The following GTPBP10 variants were observed in gnomAD, a reference collection of about 807,000 sequenced individuals.
The protein encoded by GTPBP10 is GTP-binding protein 10.
A neutral mutation model predicts 44.8 loss-of-function variants in GTPBP10; 38 were observed. The ratio of observed to expected loss-of-function variants is 0.85; its 90% CI spans 0.65 to 1.11. GTPBP10 has a LOEUF of 1.11. Ranked by LOEUF, GTPBP10 falls within the 50% of genes most tolerant of loss-of-function variation. The pLI, the probability that GTPBP10 is intolerant of heterozygous loss-of-function variation, is 0.00. For missense variants in GTPBP10, 462 were observed against 453.7 expected, an observed-to-expected ratio of 1.02 and a Z score of -0.17; for synonymous variants, 152 against 150.6, an observed-to-expected ratio of 1.01 and a Z score of -0.07.
intron 4 of GTPBP10, among the ~76,000 whole-genome samples, chr7:90,371,629 G>T (rs560713502): frequency 1.3e-5 from 2 of 152,118 alleles, no homozygotes; most frequent in Non-Finnish European, 2.9e-5. Context: ...GACACACCGG[G>T]TATTTGTAAC....
intron 4 of GTPBP10, among the ~76,000 whole-genome samples, chr7:90,364,564 G>C (rs1309246821): frequency 6.6e-6 from 1 of 152,322 alleles, no homozygotes; most frequent in Admixed American, 6.5e-5. Context: ...CTCCCAGTTA[G>C]GCTACTCGGG....
intron 1 of GTPBP10, chr7:90,347,544 G>A (rs1051766286): frequency 1.5e-5 from 9 of 597,402 alleles, no homozygotes; most frequent in African/African-American, 2.0e-5. Context: ...TATCCTAAAT[G>A]ACTAGAGATG....
At chr7:90,368,539 A>G (rs1796182987) in intron 4 of GTPBP10, among the ~76,000 whole-genome samples, 1 of 151,926 alleles carries the variant, frequency 6.6e-6, no homozygotes, top group African/African-American at 2.4e-5. Context: ...CATTAATTTA[A>G]TCTTCAATCA....
intron 4 of GTPBP10, among the ~76,000 whole-genome samples, chr7:90,355,916 A>C (rs1190545144): frequency 3.3e-5 from 5 of 152,320 alleles, no homozygotes; most frequent in Non-Finnish European, 7.4e-5. Flanking sequence ...GAATACATAA[A>C]GGAAGAGAAA....
intron 4 of GTPBP10, among the ~76,000 whole-genome samples, chr7:90,369,041 A>T (rs574852539): frequency 6.6e-6 from 1 of 152,346 alleles, no homozygotes; most frequent in South Asian, 2.1e-4. Context: ...TCCTTCTAAC[A>T]GTCGGGCTTC....
rs757968029 is a variant in GTPBP10 at position 90,383,055 on chromosome 7, A to G, written c.877A>G (p.Met293Val). Residue 293 changes from methionine (M) to valine (V), a missense_variant, in exon 9 of 10, where the codon ATG becomes GTG. Coordinates refer to ENST00000222511, the MANE Select transcript of GTPBP10 (RefSeq NM_033107.4). Reference sequence around the variant, plus strand: ...TGCCCAAGATAAGTTCCATGAATTGATGAGCCAGCTCCAGAATCCTAAAGG... The same window carrying G: ...TGCCCAAGATAAGTTCCATGAATTGGTGAGCCAGCTCCAGAATCCTAAAGG... ...PDAQDKFHELMSQLQNPKDFL... is the reference protein window; with the variant it reads ...PDAQDKFHELVSQLQNPKDFL... 1.6e-5 allele frequency: 25 copies of G among 1,584,804 alleles called. No individual in the cohort carries two copies. In the South Asian group the frequency reaches 2.4e-4, roughly 15 times the overall value.
rs995574352 is a variant in GTPBP10, at chr7:90,388,805, C to G, written c.*3651C>G. On this transcript the variant is annotated 3_prime_UTR_variant, in exon 10 of 10. Transcript: ENST00000222511. ...AATGAAAGCTACAGACTTGTCTTGC[C>G]GAAAAATGTACATAAACACATAAAC... 1 of 151,886 alleles carries G rather than the reference C, an allele frequency of 6.6e-6. No homozygotes were observed. Among genetic ancestry groups the G allele is most frequent in the Admixed American group, 6.6e-5 (1 of 15,242 alleles). 9.4% of individuals were successfully genotyped at this position (151,886 alleles called of 1,614,324 possible).
intron 2 of GTPBP10, among the ~76,000 whole-genome samples, chr7:90,354,165 C>T (rs182020322): frequency 3.3e-5 from 5 of 152,152 alleles, no homozygotes; most frequent in Non-Finnish European, 7.4e-5. Flanking sequence ...TAGCAATAAT[C>T]TCTTCATTTC....
At position 90,378,188 on chromosome 7, in the gene GTPBP10, G is replaced by A. The variant is rs367785112; in HGVS notation, c.754G>A (p.Glu252Lys). Residue 252 changes from glutamate (E) to lysine (K), a missense_variant, in exon 8 of 10, where the codon GAA becomes AAA. Transcript: ENST00000222511. ...SSHTQYRTAF[E>K]TIILLTKELE... Reference sequence around the variant, plus strand: ...TCACACTCAATACAGGACAGCTTTTGAAACCATAATACTGCTTACAAAAGT... The same window carrying A: ...TCACACTCAATACAGGACAGCTTTTAAAACCATAATACTGCTTACAAAAGT... 296 of 1,612,928 alleles carry A rather than the reference G, an allele frequency of 1.8e-4. 1 individual carries two copies. In the South Asian group the frequency reaches 2.3e-3, roughly 12 times the overall value.
intron 4 of GTPBP10, among the ~76,000 whole-genome samples, chr7:90,364,465 A>C (rs962241131): frequency 3.9e-5 from 6 of 152,176 alleles, no homozygotes; most frequent in Non-Finnish European, 1.5e-5. Context: ...GCTGAACAGC[A>C]AATGTTGCTG....
At chr7:90,348,837 A>G (rs1452889906) in intron 1 of GTPBP10, among the ~76,000 whole-genome samples, 3 of 152,190 alleles carry the variant, frequency 2.0e-5, no homozygotes, top group Non-Finnish European at 4.4e-5. Flanking sequence ...AAAGAAGTCA[A>G]AAGCAGTCCT....
At chr7:90,375,048 A>G (rs1039877088) in intron 6 of GTPBP10, among the ~76,000 whole-genome samples, 2 of 152,204 alleles carry the variant, frequency 1.3e-5, no homozygotes, top group Non-Finnish European at 2.9e-5. Flanking sequence ...ATTCAGCTCT[A>G]AAAAGAACTG....
intron 4 of GTPBP10, among the ~76,000 whole-genome samples, chr7:90,362,041 C>G (rs1796033264): frequency 6.6e-6 from 1 of 152,024 alleles, no homozygotes; most frequent in Non-Finnish European, 1.5e-5. Flanking sequence ...ATTAGTCTTG[C>G]TAGCGGTCTA....
intron 8 of GTPBP10, among the ~76,000 whole-genome samples, chr7:90,380,074 CTTTTTTT>C (rs58735928): frequency 1.9e-5 from 2 of 104,348 alleles, no homozygotes; most frequent in African/African-American, 3.8e-5. Flanking sequence ...AGTCCCTTCT[CTTTTTTT>C]TTTTTTTTTT....
At chr7:90,353,083 A>G in intron 2 of GTPBP10, 74 bp downstream of exon 2, 2 of 959,596 alleles carry the variant, frequency 2.1e-6, no homozygotes, top group Non-Finnish European at 3.0e-6. Flanking sequence ...GTTACAAAAT[A>G]AAAACTTAAT....
intron 8 of GTPBP10, among the ~76,000 whole-genome samples, chr7:90,381,979 A>G (rs186148379): frequency 6.0e-4 from 92 of 152,334 alleles, no homozygotes; most frequent in African/African-American, 2.1e-3. Flanking sequence ...GAGAAGTTCC[A>G]TGACATTTGT....
chr7:90,374,701 T>C (rs763828212), intron 6 of GTPBP10, among the ~76,000 whole-genome samples: 1 of 152,212 alleles, frequency 6.6e-6, no homozygotes, highest in East Asian at 1.9e-4. Context: ...TTATTCCAAC[T>C]TTTCTTTTTT....
Position 90,380,322 on chromosome 7 carries a change from G to A in GTPBP10, c.777+2111G>A, listed in dbSNP as rs571854180. ...TTGAACTCCTGACCTCAGGTGATCC[G>A]CCCACCTGGCTTCCCAGAGTGCTGG... is the stretch of plus-strand genomic sequence containing the variant. On this transcript the variant is annotated intron_variant, in intron 8 of 9. Coordinates refer to ENST00000222511, the MANE Select transcript of GTPBP10 (RefSeq NM_033107.4). 1.1e-4 allele frequency among the ~76,000 whole-genome samples: 17 copies of A among 152,082 alleles called. No homozygotes were observed. In the South Asian group the frequency reaches 1.5e-3, roughly 13 times the overall value.
At position 90,366,147 on chromosome 7, in the gene GTPBP10, G is replaced by T. The variant is rs192350750; in HGVS notation, c.465-6008G>T. 4.1e-3 allele frequency among the ~76,000 whole-genome samples: 619 copies of T among 152,268 alleles called. 5 individuals carry two copies. Among genetic ancestry groups the T allele is most frequent in the Middle Eastern group, 0.017 (5 of 294 alleles). On this transcript the variant is annotated intron_variant, in intron 4 of 9. Transcript: ENST00000222511. ...TCATGGTGGATAAGCTTTTTGATGT[G>T]CTGCTGGGTTCGGTTTGCCAGTATT...
Sources: allele counts gnomAD v4.1 joint callset (sites outside exome capture counted in the v4.1 genomes callset), GRCh38; gene constraint gnomAD v4.1.1; transcripts MANE v1.5; gene names NCBI Gene and HGNC (gene_info 2026-07-23, HGNC 2026-07-21).